KANK1: variants seen among roughly 807,000 people sequenced by gnomAD.
KANK1 encodes KN motif and ankyrin repeat domains 1.
In KANK1, 109 loss-of-function variants were observed where a neutral mutation model predicts 106.2. That is an observed-to-expected ratio of 1.03 (90% CI 0.88 to 1.20). The LOEUF (loss-of-function observed/expected upper bound fraction) is 1.20. KANK1 is among the 50% of genes most tolerant of loss of function. The probability of loss-of-function intolerance (pLI) is 0.00; values close to 1 mark genes in which losing one functional copy is unlikely to be tolerated. For missense variants in KANK1, 2,399 were observed against 1,710.7 expected (o/e 1.40, Z -7.10); for synonymous variants, 873 against 652.2 (o/e 1.34, Z -5.16).
At chr9:503,361 G>C (rs538214217), upstream of KANK1, among the ~76,000 whole-genome samples, 1 of 152,250 alleles carries the variant, frequency 6.6e-6, no homozygotes, top group South Asian at 2.1e-4. Flanking sequence ...CCAGTGAGCT[G>C]GCAAAGGCGC....
At chr9:624,833 C>T (rs1028187080) in intron 1 of KANK1, among the ~76,000 whole-genome samples, 2 of 151,956 alleles carry the variant, frequency 1.3e-5, no homozygotes, top group South Asian at 2.1e-4. Flanking sequence ...CCTTTAAAAA[C>T]GCAATGAAAA....
intron 1 of KANK1, among the ~76,000 whole-genome samples, chr9:652,737 C>T (rs1841191332): frequency 6.6e-6 from 1 of 152,122 alleles, no homozygotes; most frequent in African/African-American, 2.4e-5. Context: ...TATAAAACCA[C>T]AAGAAAGAAC....
intron 2 of KANK1, among the ~76,000 whole-genome samples, chr9:689,824 G>A (rs1261157748): frequency 2.6e-5 from 4 of 152,110 alleles, no homozygotes; most frequent in African/African-American, 7.2e-5. Flanking sequence ...GGCCCTCAGC[G>A]TGGGGTAGCA....
intron 2 of KANK1, among the ~76,000 whole-genome samples, chr9:688,511 C>T (rs565312586): frequency 3.3e-4 from 50 of 151,256 alleles, no homozygotes; most frequent in African/African-American, 1.2e-3. Context: ...GAGGCTGAGG[C>T]AGGAGAATAG....
chr9:661,633 T>C (rs1262848557), intron 1 of KANK1, among the ~76,000 whole-genome samples: 3 of 152,130 alleles, frequency 2.0e-5, no homozygotes, highest in Admixed American at 6.5e-5. Context: ...CCTTTGGGTA[T>C]ATATCCAGTA....
intron 1 of KANK1, among the ~76,000 whole-genome samples, chr9:567,442 A>G (rs1053940075): frequency 1.3e-5 from 2 of 152,372 alleles, no homozygotes; most frequent in African/African-American, 2.4e-5. Flanking sequence ...AAGTTAAACT[A>G]TAAACTAAAT....
chr9:527,805 C>G (rs2059862892), intron 1 of KANK1, among the ~76,000 whole-genome samples: 1 of 149,812 alleles, frequency 6.7e-6, no homozygotes, highest in Admixed American at 6.6e-5. Flanking sequence ...CCTTAAGTTC[C>G]AGCTTTTTAT....
chr9:605,904 G>C (rs1440725743), intron 1 of KANK1, among the ~76,000 whole-genome samples: 1 of 151,674 alleles, frequency 6.6e-6, no homozygotes, highest in Non-Finnish European at 1.5e-5. Context: ...ACACCAGATG[G>C]CATTTGAGGG....
rs116341204 is a variant in KANK1 at position 638,452 on chromosome 9, A to G, written c.-83-38438A>G. ...GGTAACTAACTTGTTACCCTCTGCT[A>G]TGTCAGAGAGATTGTTTGTTTCAGG... On this transcript the variant is annotated intron_variant, in intron 1 of 11. Coordinates refer to ENST00000382297, the MANE Select transcript of KANK1 (RefSeq NM_015158.5). Among the ~76,000 whole-genome samples, 1,096 of 152,268 alleles carry G rather than the reference A, an allele frequency of 7.2e-3. 22 individuals carry two copies. The highest frequency in any genetic ancestry group is 0.025 in the African/African-American group (1,050 of 41,538).
intron 1 of KANK1, among the ~76,000 whole-genome samples, chr9:562,473 C>T (rs560180925): frequency 2.4e-4 from 37 of 152,324 alleles, no homozygotes; most frequent in African/African-American, 8.7e-4. Flanking sequence ...AGTGATTTTG[C>T]ACGTGTTTTA....
At chr9:499,331 C>G (rs1033295251) in intron 3 of KANK1, among the ~76,000 whole-genome samples, 2 of 152,090 alleles carry the variant, frequency 1.3e-5, no homozygotes, top group African/African-American at 4.8e-5. Context: ...AGTGGAACAA[C>G]CTCAGTGTCC....
intron 1 of KANK1, among the ~76,000 whole-genome samples, chr9:530,717 G>A (rs953408547): frequency 1.4e-4 from 21 of 152,170 alleles, no homozygotes; most frequent in Admixed American, 9.8e-4. Flanking sequence ...GGCTGGGAGC[G>A]GTGGCTCATG....
intron 1 of KANK1, among the ~76,000 whole-genome samples, chr9:528,768 A>G (rs1055798866): frequency 2.4e-4 from 37 of 151,772 alleles, no homozygotes; most frequent in Middle Eastern, 6.9e-3. Flanking sequence ...GATTACAGGC[A>G]TGAGCCACCA....
At chr9:504,920 C>G (rs2058672209) in intron 1 of KANK1, among the ~76,000 whole-genome samples, 166 bp downstream of exon 1, 1 of 150,450 alleles carries the variant, frequency 6.6e-6, no homozygotes, top group South Asian at 2.1e-4. Flanking sequence ...CCCGCGGGCT[C>G]CCGCTCGTGC....
chr9:618,392 G>T (rs1205872631), intron 1 of KANK1, among the ~76,000 whole-genome samples: 1 of 152,042 alleles, frequency 6.6e-6, no homozygotes, highest in Admixed American at 6.6e-5. Context: ...ATTTTTACTA[G>T]AGACAGGGTT....
intron 1 of KANK1, among the ~76,000 whole-genome samples, chr9:569,481 G>A (rs1291029490): frequency 6.6e-6 from 1 of 152,168 alleles, no homozygotes; most frequent in Admixed American, 6.5e-5. Flanking sequence ...GCCTCACCAT[G>A]TGATTCCCTG....
At chr9:662,774 G>A (rs903326952) in intron 1 of KANK1, among the ~76,000 whole-genome samples, 4 of 150,800 alleles carry the variant, frequency 2.7e-5, no homozygotes, top group African/African-American at 9.8e-5. Context: ...TGATTCTCCT[G>A]CCTCAGTCTC....
intron 1 of KANK1, among the ~76,000 whole-genome samples, chr9:560,017 C>G (rs371760388): frequency 6.6e-6 from 1 of 152,134 alleles, no homozygotes; most frequent in Non-Finnish European, 1.5e-5. Flanking sequence ...TCCATGTTTT[C>G]TATTGTAGAC....
At position 697,093 on chromosome 9, in the gene KANK1, TG is replaced by T. The variant is rs1378637886; in HGVS notation, c.38-13710del. On this transcript the variant is annotated intron_variant, in intron 2 of 11. Coordinates refer to ENST00000382297, the MANE Select transcript of KANK1 (RefSeq NM_015158.5). Reference sequence around the variant, plus strand: ...TGTTCCATCTGTGTGTGTGTGTGTGTGTGTGTGTGTGTCTGTGTGTAGAAAT... The same window carrying T: ...TGTTCCATCTGTGTGTGTGTGTGTGTTGTGTGTGTGTCTGTGTGTAGAAAT... 2.6e-5 allele frequency among the ~76,000 whole-genome samples: 4 copies of T among 152,146 alleles called. No homozygotes were observed. In the South Asian group the frequency reaches 6.2e-4, roughly 24 times the overall value.
Sources: allele counts gnomAD v4.1 joint callset (sites outside exome capture counted in the v4.1 genomes callset), GRCh38; gene constraint gnomAD v4.1.1; transcripts MANE v1.5; gene names NCBI Gene and HGNC (gene_info 2026-07-23, HGNC 2026-07-21).